The following IRAK1BP1 variants were observed in gnomAD, a reference collection of about 807,000 sequenced individuals.
IRAK1BP1 encodes interleukin-1 receptor-associated kinase 1-binding protein 1.
In IRAK1BP1, 24 loss-of-function variants were observed where a neutral mutation model predicts 28.0. That is an observed-to-expected ratio of 0.86 (90% CI 0.62 to 1.20). IRAK1BP1 has a LOEUF of 1.20. Ranked by LOEUF, IRAK1BP1 falls within the 50% of genes most tolerant of loss-of-function variation. The pLI, the probability that IRAK1BP1 is intolerant of heterozygous loss-of-function variation, is 0.00. For missense variants in IRAK1BP1, 336 were observed against 316.7 expected (o/e 1.06, Z -0.46); for synonymous variants, 131 against 116.3 (o/e 1.13, Z -0.81).
chr6:78,895,717 A>C (rs1277101050), intron 2 of IRAK1BP1, among the ~76,000 whole-genome samples: 2 of 152,212 alleles, frequency 1.3e-5, no homozygotes, highest in African/African-American at 4.8e-5. Context: ...TTATCAGTAA[A>C]ATAAGAACAG....
At chr6:78,917,147 G>A (rs1439261697) in intron 4 of IRAK1BP1, among the ~76,000 whole-genome samples, 1 of 151,948 alleles carries the variant, frequency 6.6e-6, no homozygotes, top group East Asian at 1.9e-4. Flanking sequence ...TGATATCCAA[G>A]ACAAGGTTGA....
At chr6:78,971,501 T>C in the IRAK1BP1 span, among the ~76,000 whole-genome samples, 3 of 152,314 alleles carry the variant, frequency 2.0e-5, no homozygotes, top group East Asian at 5.8e-4. Flanking sequence ...TTCTATTCAT[T>C]AATACCATTA....
intron 4 of IRAK1BP1, among the ~76,000 whole-genome samples, chr6:78,921,801 C>T (rs997102536): frequency 3.9e-5 from 6 of 152,296 alleles, no homozygotes; most frequent in African/African-American, 1.2e-4. Flanking sequence ...GCTACTGATA[C>T]CCAGGAAAAC....
At position 78,893,332 on chromosome 6, in the gene IRAK1BP1, A is replaced by G. The variant is rs1260957314; in HGVS notation, c.382-4497A>G. 5.7e-4 allele frequency among the ~76,000 whole-genome samples: 82 copies of G among 143,024 alleles called. 2 individuals are homozygous for G. The South Asian group carries it at 6.5e-3, about 11-fold the overall frequency. 93.8% of individuals were successfully genotyped at this position (143,024 alleles called of 152,430 possible). ...TGTGTGTGTATATATATATATATAT[A>G]TATATATATATATATATCAACGAAG... On this transcript the variant is annotated intron_variant, in intron 2 of 3. Coordinates refer to ENST00000369940, the MANE Select transcript of IRAK1BP1 (RefSeq NM_001010844.4).
chr6:78,943,979 C>A (rs1773653002), intron 4 of IRAK1BP1, among the ~76,000 whole-genome samples: 1 of 85,006 alleles, frequency 1.2e-5, no homozygotes. Context: ...GAGCAAGATC[C>A]TGTCTTTTTT....
At chr6:78,877,789 C>T (rs1055421209) in intron 1 of IRAK1BP1, among the ~76,000 whole-genome samples, 1 of 152,222 alleles carries the variant, frequency 6.6e-6, no homozygotes, top group African/African-American at 2.4e-5. Context: ...GTCACTCCCA[C>T]CCTAATACTG....
intron 1 of IRAK1BP1, among the ~76,000 whole-genome samples, chr6:78,875,179 G>A (rs189749339): frequency 3.3e-5 from 5 of 152,212 alleles, no homozygotes; most frequent in Non-Finnish European, 7.4e-5. Flanking sequence ...AAACCACAGT[G>A]AAATACCGTC....
At chr6:78,945,196 T>C in intron 4 of IRAK1BP1, 2 of 848,298 alleles carry the variant, frequency 2.4e-6, no homozygotes, top group Non-Finnish European at 3.9e-6. Context: ...ATGTGTGACT[T>C]TTAAGTGGGC....
At chr6:78,868,285 C>T (rs1770661399) in intron 1 of IRAK1BP1, among the ~76,000 whole-genome samples, 1 of 152,176 alleles carries the variant, frequency 6.6e-6, no homozygotes, top group Admixed American at 6.5e-5. Context: ...TTTTATTCCG[C>T]ACCATGGAAT....
the IRAK1BP1 span, among the ~76,000 whole-genome samples, chr6:78,975,962 C>A: frequency 6.6e-6 from 1 of 150,792 alleles, no homozygotes; most frequent in East Asian, 2.0e-4. Flanking sequence ...AGGTAATTTA[C>A]AGATTCAATG....
rs1771982736 is a variant in IRAK1BP1 at position 78,898,445 on chromosome 6, T to TATATATATATATATATATATATAG, written c.*111_*112insATATATATATATATATATATATAG. 1 of 159,776 alleles carries TATATATATATATATATATATATAG rather than the reference T, an allele frequency of 6.3e-6. No individual in the cohort carries two copies. The allele number at this position is 159,776 out of a possible 1,614,324, so 9.9% of individuals were successfully genotyped here. A position where few individuals can be genotyped will look rare whatever the true frequency, so the allele number is the denominator to read the frequency against. Reference sequence around the variant, plus strand: ...ATATATATATATATATATATATATATGGTATAGGAGATAAGCTATTTCTTT... The same window carrying TATATATATATATATATATATATAG: ...ATATATATATATATATATATATATATATATATATATATATATATATATAGGGTATAGGAGATAAGCTATTTCTTT... On this transcript the variant is annotated 3_prime_UTR_variant, in exon 4 of 4. Coordinates refer to ENST00000369940, the MANE Select transcript of IRAK1BP1 (RefSeq NM_001010844.4).
At position 78,898,700 on chromosome 6, in the gene IRAK1BP1, T is replaced by C. The variant is rs1771995034; in HGVS notation, c.*366T>C. 6.6e-6 allele frequency: 1 copy of C among 151,952 alleles called. No homozygotes were observed. Among genetic ancestry groups the C allele is most frequent in the African/African-American group, 2.4e-5 (1 of 41,414 alleles). 9.4% of individuals were successfully genotyped at this position (151,952 alleles called of 1,614,324 possible). On this transcript the variant is annotated 3_prime_UTR_variant, in exon 4 of 4. Coordinates refer to ENST00000369940, the MANE Select transcript of IRAK1BP1 (RefSeq NM_001010844.4). ...TTAAGCTAAAATTTTCTCAGCCACA[T>C]TTTTATATAAAACCAAATTTTATGT...
rs943432038 is a variant in IRAK1BP1 at position 78,933,388 on chromosome 6, C to T, written c.*68-12020C>T. Among the ~76,000 whole-genome samples, 84 of 152,166 alleles carry T rather than the reference C, an allele frequency of 5.5e-4. 1 individual carries two copies. Among genetic ancestry groups the T allele is most frequent in the African/African-American group, 1.9e-3 (78 of 41,440 alleles). On this transcript the variant is annotated intron_variant and NMD_transcript_variant, in intron 4 of 4. Transcript: ENST00000606868. ...ATCCCAACACTTTGGGAGGCTGAGGCGGGCGGATCACGAGGTCAGGAGTTT... is the reference window on the plus strand; with the variant it reads ...ATCCCAACACTTTGGGAGGCTGAGGTGGGCGGATCACGAGGTCAGGAGTTT...
At chr6:78,970,945 C>A in the IRAK1BP1 span, 11 of 1,145,590 alleles carry the variant, frequency 9.6e-6, no homozygotes, top group Non-Finnish European at 1.4e-5. Flanking sequence ...ATCCAATATA[C>A]AGGGTATCAG....
intron 4 of IRAK1BP1, among the ~76,000 whole-genome samples, chr6:78,941,742 C>A (rs1773512355): frequency 6.6e-6 from 1 of 152,132 alleles, no homozygotes; most frequent in Admixed American, 6.5e-5. Context: ...AAAGTCCTAT[C>A]TCCTTGTGTA....
intron 4 of IRAK1BP1, among the ~76,000 whole-genome samples, chr6:78,922,749 A>G (rs900082735): frequency 7.5e-4 from 115 of 152,356 alleles, no homozygotes; most frequent in African/African-American, 2.5e-3. Flanking sequence ...ACAAGCCAGA[A>G]GAGAGTGGGG....
chr6:78,962,882 T>C, the IRAK1BP1 span, among the ~76,000 whole-genome samples: 1 of 152,182 alleles, frequency 6.6e-6, no homozygotes, highest in Non-Finnish European at 1.5e-5. Context: ...AGGAGGCCCT[T>C]ATTCTAAAAT....
At chr6:78,970,241 T>G in the IRAK1BP1 span, 8 of 1,394,040 alleles carry the variant, frequency 5.7e-6, no homozygotes, top group East Asian at 1.6e-4. Flanking sequence ...TGCTAAACAT[T>G]GTTGAGAAAA....
Position 78,924,827 on chromosome 6 carries a change from C to T in IRAK1BP1, c.*68-20581C>T, listed in dbSNP as rs563484456. ...AACCAACCATTACTGGGTATATACC[C>T]AAAGGATTATAAATCATGTTGCTAT... On this transcript the variant is annotated intron_variant and NMD_transcript_variant, in intron 4 of 4. Coordinates refer to the IRAK1BP1 transcript ENST00000606868. Among the ~76,000 whole-genome samples the T allele has an allele frequency of 1.1e-4, 17 of 152,208 alleles. 1 individual carries two copies. In the South Asian group the frequency reaches 3.5e-3, roughly 32 times the overall value.
Sources: gnomAD v4.1 joint callset for allele counts (sites outside exome capture counted in the v4.1 genomes callset) on GRCh38, gnomAD v4.1.1 for gene constraint, MANE v1.5 for transcripts, NCBI Gene and HGNC (gene_info 2026-07-23, HGNC 2026-07-21) for gene names.